Variants in AGBL4 observed in about 807,000 individuals in gnomAD.
The protein encoded by AGBL4 is AGBL carboxypeptidase 4.
In AGBL4, 58 loss-of-function variants were observed where a neutral mutation model predicts 66.4. That is an observed-to-expected ratio of 0.87 (90% confidence interval 0.71 to 1.09). The LOEUF is 1.09. Ranked by LOEUF, AGBL4 falls within the 50% of genes least tolerant of loss-of-function variation. The pLI is 0.00. For missense variants in AGBL4, 579 were observed against 631.0 expected (o/e 0.92, Z 0.88); for synonymous variants, 234 against 222.9 (o/e 1.05, Z -0.44).
intron 4 of AGBL4, among the ~76,000 whole-genome samples, chr1:49,122,878 G>A (rs781602861): frequency 3.3e-5 from 5 of 152,084 alleles, no homozygotes; most frequent in Non-Finnish European, 7.4e-5. Flanking sequence ...TTCTGAGACA[G>A]AGTCTCACTC....
the AGBL4 span, among the ~76,000 whole-genome samples, chr1:48,527,617 C>T: frequency 6.7e-6 from 1 of 149,666 alleles, no homozygotes; most frequent in Non-Finnish European, 1.5e-5. Flanking sequence ...AATTGATAAA[C>T]AGATGAATAA....
intron 3 of AGBL4, among the ~76,000 whole-genome samples, chr1:49,568,487 T>TCACACACACAGA (rs1644259747): frequency 1.5e-5 from 2 of 131,206 alleles, no homozygotes; most frequent in Admixed American, 7.9e-5. Context: ...AAATAAGTGA[T>TCACACACACAGA]CACACACACA....
At chr1:49,964,996 G>C (rs1657436415) in intron 1 of AGBL4, among the ~76,000 whole-genome samples, 1 of 152,120 alleles carries the variant, frequency 6.6e-6, no homozygotes, top group Admixed American at 6.5e-5. Flanking sequence ...TTATTAGAAA[G>C]AGCAAAAGCT....
At chr1:48,656,718 CA>C (rs1646026834) in intron 7 of AGBL4, among the ~76,000 whole-genome samples, 1 of 152,194 alleles carries the variant, frequency 6.6e-6, no homozygotes, top group Non-Finnish European at 1.5e-5. Flanking sequence ...TGAATTAACA[CA>C]GAAACAGAAA....
intron 7 of AGBL4, among the ~76,000 whole-genome samples, chr1:48,655,360 G>T (rs904529401): frequency 1.3e-5 from 2 of 151,966 alleles, no homozygotes; most frequent in African/African-American, 4.8e-5. Context: ...GGAGTATGGG[G>T]AAGACTGAGA....
chr1:48,527,458 G>A, the AGBL4 span, among the ~76,000 whole-genome samples: 3 of 151,884 alleles, frequency 2.0e-5, no homozygotes, highest in Non-Finnish European at 4.4e-5. Flanking sequence ...TTAACTGGGC[G>A]TGTTGGTGCG....
At chr1:49,315,367 T>C (rs1645021265) in intron 3 of AGBL4, among the ~76,000 whole-genome samples, 1 of 152,042 alleles carries the variant, frequency 6.6e-6, no homozygotes, top group Admixed American at 6.6e-5. Context: ...CCAAAAGCAA[T>C]GGCAACAGAA....
chr1:48,859,460 T>C (rs929766224), intron 6 of AGBL4, among the ~76,000 whole-genome samples: 1 of 152,172 alleles, frequency 6.6e-6, no homozygotes, highest in South Asian at 2.1e-4. Context: ...AATGAATCTT[T>C]CTCGGCTTTT....
At chr1:49,485,088 C>T (rs10888658) in intron 3 of AGBL4, among the ~76,000 whole-genome samples, 91,337 of 151,196 alleles carry the variant, frequency 0.6, 28,342 homozygotes, top group Non-Finnish European at 0.67. Flanking sequence ...ACCATTTGAC[C>T]CAGCCATCCC....
At chr1:49,214,844 A>C (rs1310273213) in intron 4 of AGBL4, among the ~76,000 whole-genome samples, 1 of 152,138 alleles carries the variant, frequency 6.6e-6, no homozygotes, top group Non-Finnish European at 1.5e-5. Context: ...AGGGAGTATC[A>C]AGTATATTTG....
chr1:49,821,868 A>C (rs1429555056), intron 2 of AGBL4, among the ~76,000 whole-genome samples: 1 of 152,216 alleles, frequency 6.6e-6, no homozygotes, highest in Non-Finnish European at 1.5e-5. Context: ...TAGAATACAT[A>C]AATGTGGGTC....
chr1:49,847,062 T>C (rs1232848961), intron 2 of AGBL4, among the ~76,000 whole-genome samples: 3 of 152,186 alleles, frequency 2.0e-5, no homozygotes, highest in Admixed American at 6.6e-5. Flanking sequence ...CAAAACAGCA[T>C]GGTACTGGTT....
chr1:49,656,720 A>C (rs1646143515), intron 3 of AGBL4, among the ~76,000 whole-genome samples: 1 of 152,184 alleles, frequency 6.6e-6, no homozygotes. Flanking sequence ...ATCAATAAAC[A>C]TAATCCAGCA....
intron 8 of AGBL4, among the ~76,000 whole-genome samples, chr1:48,640,516 T>A (rs1001382510): frequency 2.0e-5 from 3 of 152,376 alleles, no homozygotes; most frequent in Non-Finnish European, 4.4e-5. Context: ...AAGCACCTAC[T>A]AAATGCTAGA....
chr1:49,525,081 T>C (rs1650553446), intron 3 of AGBL4, among the ~76,000 whole-genome samples: 1 of 152,078 alleles, frequency 6.6e-6, no homozygotes, highest in South Asian at 2.1e-4. Context: ...CTGTTAGGAA[T>C]ATATTTATTA....
At chr1:48,733,009 G>A (rs1246080687) in intron 6 of AGBL4, among the ~76,000 whole-genome samples, 1 of 152,218 alleles carries the variant, frequency 6.6e-6, no homozygotes, top group African/African-American at 2.4e-5. Flanking sequence ...AGACGAGGAA[G>A]TCACTGGGGA....
chr1:49,021,575 T>C (rs1435024613), intron 5 of AGBL4, among the ~76,000 whole-genome samples: 1 of 152,176 alleles, frequency 6.6e-6, no homozygotes, highest in Non-Finnish European at 1.5e-5. Context: ...AGACAGCTCT[T>C]AAAAGAAGCC....
At chr1:49,172,485 T>C (rs2148166568) in intron 4 of AGBL4, among the ~76,000 whole-genome samples, 1 of 152,028 alleles carries the variant, frequency 6.6e-6, no homozygotes. Context: ...AGAGAGAGAG[T>C]AATTTATGAA....
chr1:48,999,777 A>C (rs1661270831), intron 5 of AGBL4, among the ~76,000 whole-genome samples: 1 of 152,112 alleles, frequency 6.6e-6, no homozygotes, highest in Admixed American at 6.5e-5. Context: ...CTATGCTTTA[A>C]ACCTTTCCCT....
Sources: allele counts gnomAD v4.1 joint callset (sites outside exome capture counted in the v4.1 genomes callset), GRCh38; gene constraint gnomAD v4.1.1; transcripts MANE v1.5; gene names NCBI Gene and HGNC (gene_info 2026-07-23, HGNC 2026-07-21).